The following CNTNAP5 variants were observed in gnomAD, a reference collection of about 807,000 sequenced individuals.
The protein encoded by CNTNAP5 is contactin associated protein family member 5.
Under a neutral mutation model 150.2 loss-of-function variants are expected in CNTNAP5, and 72 were observed. The observed-to-expected ratio is 0.48, with a 90% CI of 0.40 to 0.58. CNTNAP5 has a LOEUF of 0.58. Among genes scored for constraint, CNTNAP5 ranks in the 20% least tolerant of loss-of-function variants. The probability of loss-of-function intolerance (pLI) is 0.00; values close to 1 mark genes in which losing one functional copy is unlikely to be tolerated. For synonymous variants in CNTNAP5, 672 were observed against 619.8 expected (o/e 1.08, Z -1.25); for missense variants, 1,636 against 1,626.2 (o/e 1.01, Z -0.10).
chr2:124,337,671 A>C (rs971062626), intron 3 of CNTNAP5, among the ~76,000 whole-genome samples: 7 of 152,172 alleles, frequency 4.6e-5, no homozygotes, highest in African/African-American at 1.7e-4. Context: ...CTTGTCAAAG[A>C]TCAGATAGTT....
At position 124,801,077 on chromosome 2, in the gene CNTNAP5, A is replaced by G. The variant is rs537919220; in HGVS notation, c.3217+2757A>G. Among the ~76,000 whole-genome samples the G allele has an allele frequency of 3.9e-5, 6 of 152,292 alleles. No homozygotes were observed. The South Asian group carries it at 1.2e-3, about 32-fold the overall frequency. On this transcript the variant is annotated intron_variant, in intron 19 of 23. Transcript: ENST00000682447. Reference sequence around the variant, plus strand: ...CACCTTGCTCCAGGGAACCCATAGCAGTAGGTAGTGGGAAAGATACCCTGA... The same window carrying G: ...CACCTTGCTCCAGGGAACCCATAGCGGTAGGTAGTGGGAAAGATACCCTGA...
At chr2:124,145,982 G>T (rs1011544556) in intron 1 of CNTNAP5, among the ~76,000 whole-genome samples, 12 of 151,994 alleles carry the variant, frequency 7.9e-5, no homozygotes, top group African/African-American at 2.9e-4. Flanking sequence ...AATAGCACTT[G>T]GCATTTGTAC....
intron 1 of CNTNAP5, among the ~76,000 whole-genome samples, chr2:124,095,965 G>A (rs1682925200): frequency 6.6e-6 from 1 of 152,112 alleles, no homozygotes; most frequent in South Asian, 2.1e-4. Context: ...GCTCAACATT[G>A]CATAGTGAGC....
At chr2:124,217,651 T>A (rs1686192428) in intron 1 of CNTNAP5, among the ~76,000 whole-genome samples, 1 of 152,202 alleles carries the variant, frequency 6.6e-6, no homozygotes, top group Non-Finnish European at 1.5e-5. Flanking sequence ...TTAATGTGAA[T>A]GAGCTATTTA....
intron 13 of CNTNAP5, among the ~76,000 whole-genome samples, chr2:124,651,055 G>A (rs1467634829): frequency 6.6e-6 from 1 of 152,188 alleles, no homozygotes; most frequent in Non-Finnish European, 1.5e-5. Context: ...GACACTATGA[G>A]ACTGAGTGCC....
intron 3 of CNTNAP5, among the ~76,000 whole-genome samples, chr2:124,321,176 G>C (rs1259909434): frequency 6.6e-6 from 1 of 152,074 alleles, no homozygotes; most frequent in African/African-American, 2.4e-5. Flanking sequence ...GGCTGGGCGC[G>C]GTGGCCTGTA....
At chr2:124,360,347 C>G (rs1254580800) in intron 3 of CNTNAP5, among the ~76,000 whole-genome samples, 1 of 149,302 alleles carries the variant, frequency 6.7e-6, no homozygotes, top group Non-Finnish European at 1.5e-5. Flanking sequence ...TTGATCCTGT[C>G]ATTATGATGT....
chr2:124,882,712 T>C (rs2602653), intron 21 of CNTNAP5, among the ~76,000 whole-genome samples: 119,063 of 151,954 alleles, frequency 0.78, 47,712 homozygotes, highest in Middle Eastern at 0.92. Flanking sequence ...TACGTCTGTT[T>C]TCACACTGCT....
chr2:124,641,848 T>C (rs1385981144), intron 12 of CNTNAP5, among the ~76,000 whole-genome samples: 1 of 152,206 alleles, frequency 6.6e-6, no homozygotes, highest in East Asian at 1.9e-4. Context: ...AAGAGACAGA[T>C]ATGTGTGTAG....
At chr2:124,777,535 G>A (rs1681351862) in intron 17 of CNTNAP5, among the ~76,000 whole-genome samples, 1 of 151,940 alleles carries the variant, frequency 6.6e-6, no homozygotes, top group African/African-American at 2.4e-5. Context: ...GGTTCATGCT[G>A]GCACATCTGG....
At chr2:124,363,856 C>T (rs6735697) in intron 3 of CNTNAP5, among the ~76,000 whole-genome samples, 25,139 of 152,068 alleles carry the variant, frequency 0.17, 2,189 homozygotes, top group Middle Eastern at 0.23. Context: ...CTGTGTGTAG[C>T]AATTATATCT....
chr2:124,578,600 A>C (rs1385892044), intron 11 of CNTNAP5, among the ~76,000 whole-genome samples: 1 of 151,862 alleles, frequency 6.6e-6, no homozygotes, highest in African/African-American at 2.4e-5. Flanking sequence ...GTGAAACTTT[A>C]TCTCTACCGA....
intron 13 of CNTNAP5, among the ~76,000 whole-genome samples, chr2:124,704,503 G>A (rs777202947): frequency 6.6e-6 from 1 of 152,182 alleles, no homozygotes; most frequent in Non-Finnish European, 1.5e-5. Context: ...AAATAGAATA[G>A]TATGCAGTCC....
intron 13 of CNTNAP5, among the ~76,000 whole-genome samples, chr2:124,675,782 G>C (rs1404500864): frequency 6.6e-6 from 1 of 151,994 alleles, no homozygotes; most frequent in African/African-American, 2.4e-5. Context: ...TAATTCTTTA[G>C]AGATATTTTT....
intron 11 of CNTNAP5, among the ~76,000 whole-genome samples, chr2:124,567,644 C>T (rs1163656047): frequency 1.3e-5 from 2 of 152,110 alleles, no homozygotes; most frequent in African/African-American, 2.4e-5. Flanking sequence ...CAATGCCTTC[C>T]GACTCCCAGA....
chr2:124,455,456 A>G (rs1174580207), intron 6 of CNTNAP5, among the ~76,000 whole-genome samples: 1 of 152,168 alleles, frequency 6.6e-6, no homozygotes, highest in Non-Finnish European at 1.5e-5. Context: ...TCACAGCAGA[A>G]TTCTACCAGA....
chr2:124,375,706 T>C lies in CNTNAP5; in HGVS notation c.382-41737T>C, dbSNP rs182292402. On this transcript the variant is annotated intron_variant, in intron 3 of 23. Coordinates refer to ENST00000682447, the MANE Select transcript of CNTNAP5 (RefSeq NM_001367498.1). ...CTATGATGATGCAAGTTTTTCACAT[T>C]GGCGAAACTGACCGAGTGGCGTACA... Among the ~76,000 whole-genome samples, 242 of 152,216 alleles carry C rather than the reference T, an allele frequency of 1.6e-3. 2 individuals are homozygous for C. The highest frequency in any genetic ancestry group is 5.6e-3 in the African/African-American group (232 of 41,560).
intron 3 of CNTNAP5, among the ~76,000 whole-genome samples, chr2:124,311,948 G>A (rs995547674): frequency 6.6e-6 from 1 of 152,196 alleles, no homozygotes; most frequent in African/African-American, 2.4e-5. Flanking sequence ...CAAAGGAAGG[G>A]ATCATCACTT....
At chr2:124,553,706 A>G (rs573702100) in intron 10 of CNTNAP5, among the ~76,000 whole-genome samples, 1 of 152,310 alleles carries the variant, frequency 6.6e-6, no homozygotes, top group African/African-American at 2.4e-5. Flanking sequence ...AATTTGGGTG[A>G]ACAACTTGGC....
Sources: allele counts gnomAD v4.1 joint callset (sites outside exome capture counted in the v4.1 genomes callset), GRCh38; gene constraint gnomAD v4.1.1; transcripts MANE v1.5; gene names NCBI Gene and HGNC (gene_info 2026-07-23, HGNC 2026-07-21).